Variants in ROR2 observed in about 807,000 individuals in gnomAD.
The protein encoded by ROR2 is ROR family WNT receptor 2.
Under a neutral mutation model 74.9 loss-of-function variants are expected in ROR2, and 33 were observed. The observed-to-expected ratio is 0.44, with a 90% CI of 0.33 to 0.59. The LOEUF (loss-of-function observed/expected upper bound fraction) is 0.59. ROR2 is among the 20% of genes least tolerant of loss of function. The probability of loss-of-function intolerance (pLI) is 0.02; values close to 1 mark genes in which losing one functional copy is unlikely to be tolerated. For missense variants in ROR2, 1,216 were observed against 1,313.8 expected (o/e 0.93, Z 1.15); for synonymous variants, 586 against 558.7 (o/e 1.05, Z -0.69).
intron 1 of ROR2, among the ~76,000 whole-genome samples, chr9:91,803,117 A>G (rs899268307): frequency 6.6e-6 from 1 of 152,200 alleles, no homozygotes; most frequent in Non-Finnish European, 1.5e-5. Context: ...GCCTCTGTAG[A>G]AAATGGTACA....
chr9:91,928,068 C>T (rs983702961), intron 1 of ROR2, among the ~76,000 whole-genome samples: 23 of 152,260 alleles, frequency 1.5e-4, no homozygotes, highest in Middle Eastern at 3.4e-3. Flanking sequence ...ACCCTAGAGC[C>T]CCACTTCCCG....
Position 91,861,888 on chromosome 9 carries a change from C to T in ROR2, c.98-86070G>A, listed in dbSNP as rs551152112. ...ATTATATAAAGAACGCTGTTATGGA[C>T]TGAATGTATCCCCCCCACCCCAAAT... On this transcript the variant is annotated intron_variant, in intron 1 of 8. Transcript: ENST00000375708. 3.9e-5 allele frequency among the ~76,000 whole-genome samples: 6 copies of T among 152,266 alleles called. No homozygotes were observed. The South Asian group carries it at 1.0e-3, about 26-fold the overall frequency.
intron 1 of ROR2, among the ~76,000 whole-genome samples, chr9:91,909,157 T>G (rs994938659): frequency 6.6e-6 from 1 of 152,238 alleles, no homozygotes; most frequent in Admixed American, 6.5e-5. Context: ...TCCATTTCCA[T>G]TGCTCTGTCT....
At chr9:91,754,261 A>G (rs1825672186) in intron 4 of ROR2, among the ~76,000 whole-genome samples, 1 of 150,516 alleles carries the variant, frequency 6.6e-6, no homozygotes, top group South Asian at 2.1e-4. Context: ...GTATAATTAT[A>G]GCTCTGTAAT....
chr9:91,799,558 T>C (rs958843294), intron 1 of ROR2, among the ~76,000 whole-genome samples: 7 of 152,194 alleles, frequency 4.6e-5, no homozygotes, highest in Admixed American at 2.0e-4. Context: ...TAGGAGGTTC[T>C]GGCCAGATGG....
intron 8 of ROR2, 140 bp from the exon 9 acceptor site, chr9:91,725,247 C>T (rs959619880): frequency 7.0e-7 from 1 of 1,423,538 alleles, no homozygotes; most frequent in Non-Finnish European, 9.8e-7. Context: ...TTTTGCCCAC[C>T]CAGCCTTGGC....
intron 1 of ROR2, among the ~76,000 whole-genome samples, chr9:91,843,780 G>C (rs191518435): frequency 6.6e-6 from 1 of 152,348 alleles, no homozygotes; most frequent in East Asian, 1.9e-4. Flanking sequence ...CACATGCCCC[G>C]CCTGGCTGGA....
intron 1 of ROR2, among the ~76,000 whole-genome samples, chr9:91,887,567 T>C (rs1830317180): frequency 1.3e-5 from 2 of 152,184 alleles, no homozygotes; most frequent in South Asian, 4.1e-4. Context: ...CTTGCAGTTT[T>C]TGCAAATTCC....
At chr9:91,846,306 G>A (rs1195465902) in intron 1 of ROR2, among the ~76,000 whole-genome samples, 5 of 152,178 alleles carry the variant, frequency 3.3e-5, no homozygotes, top group Non-Finnish European at 7.3e-5. Context: ...AAGGTTAAAA[G>A]GGACAAAAGG....
intron 1 of ROR2, among the ~76,000 whole-genome samples, chr9:91,787,722 T>G (rs1243271389): frequency 6.6e-6 from 1 of 152,134 alleles, no homozygotes. Flanking sequence ...TATGGTGATT[T>G]GCTACCTGAA....
chr9:91,736,579 G>A (rs930730799), intron 5 of ROR2, among the ~76,000 whole-genome samples: 1 of 152,200 alleles, frequency 6.6e-6, no homozygotes, highest in African/African-American at 2.4e-5. Flanking sequence ...GCTCCTTATG[G>A]GATCTGGAGA....
At chr9:91,915,487 C>T (rs894762771) in intron 1 of ROR2, among the ~76,000 whole-genome samples, 10 of 152,096 alleles carry the variant, frequency 6.6e-5, no homozygotes, top group African/African-American at 2.2e-4. Flanking sequence ...TCGTGGTCTT[C>T]CTGACTTTAA....
intron 1 of ROR2, among the ~76,000 whole-genome samples, chr9:91,934,826 C>T (rs7038397): frequency 2.6e-5 from 4 of 151,946 alleles, no homozygotes; most frequent in African/African-American, 9.7e-5. Context: ...ACTAATTAGA[C>T]GTAATTGTGT....
At chr9:91,867,963 T>C (rs1363474676) in intron 1 of ROR2, among the ~76,000 whole-genome samples, 3 of 152,110 alleles carry the variant, frequency 2.0e-5, no homozygotes, top group Non-Finnish European at 2.9e-5. Context: ...CACCAAAATC[T>C]AATATTCAAA....
intron 1 of ROR2, among the ~76,000 whole-genome samples, chr9:91,871,192 A>G (rs1318693154): frequency 6.6e-6 from 1 of 152,216 alleles, no homozygotes; most frequent in Non-Finnish European, 1.5e-5. Context: ...TCTCCTCTGA[A>G]GAGTCTCACT....
intron 1 of ROR2, among the ~76,000 whole-genome samples, chr9:91,838,917 A>G (rs1160213287): frequency 6.6e-6 from 1 of 152,218 alleles, no homozygotes; most frequent in Admixed American, 6.5e-5. Context: ...AGCAGAAACT[A>G]GAGAGAAGTT....
chr9:91,723,900 C>A lies in ROR2; in HGVS notation c.2594G>T (p.Gly865Val). ...GTAGCCTGTGCTGGTGGAGCCACTG[C>A]CACTGTGGTGTGAGCTGGGCTTGGG... is the stretch of plus-strand genomic sequence containing the variant. Reference protein sequence around the residue: ...MVPKPSSHHSGSGSTSTGYVT... With the variant: ...MVPKPSSHHSVSGSTSTGYVT... Residue 865 changes from glycine to valine, a missense_variant, in exon 9 of 9, where the codon GGC becomes GTC. Transcript: ENST00000375708. The A allele has an allele frequency of 6.2e-7, 1 of 1,613,996 alleles. No individual in the cohort carries two copies. Among genetic ancestry groups the A allele is most frequent in the South Asian group, 1.1e-5 (1 of 91,086 alleles).
intron 1 of ROR2, among the ~76,000 whole-genome samples, chr9:91,919,711 C>A (rs1310534005): frequency 1.3e-5 from 2 of 152,138 alleles, no homozygotes; most frequent in Non-Finnish European, 2.9e-5. Context: ...GCAGCTGCTT[C>A]CCCCAGCCCA....
chr9:91,882,410 C>CAA (rs35759814), intron 1 of ROR2, among the ~76,000 whole-genome samples: 35 of 118,616 alleles, frequency 3.0e-4, no homozygotes, highest in African/African-American at 5.0e-4. Flanking sequence ...GACTCTGTCT[C>CAA]AAAAAAAAAA....
Sources: gnomAD v4.1 joint callset for allele counts (sites outside exome capture counted in the v4.1 genomes callset) on GRCh38, gnomAD v4.1.1 for gene constraint, MANE v1.5 for transcripts, NCBI Gene and HGNC (gene_info 2026-07-23, HGNC 2026-07-21) for gene names.